The following SCAPER variants were observed in gnomAD, a reference collection of about 807,000 sequenced individuals.
The protein encoded by SCAPER is S-phase cyclin A associated protein in the ER, also known as S phase cyclin A-associated protein in the endoplasmic reticulum.
In SCAPER, 98 loss-of-function variants were observed where a neutral mutation model predicts 182.2. The ratio of observed to expected loss-of-function variants is 0.54; its 90% CI spans 0.46 to 0.64. SCAPER has a LOEUF of 0.64. Among genes scored for constraint, SCAPER ranks in the 30% least tolerant of loss-of-function variants. The probability of loss-of-function intolerance (pLI) is 0.00; values close to 1 mark genes in which losing one functional copy is unlikely to be tolerated. For missense variants in SCAPER, 1,432 were observed against 1,690.0 expected (o/e 0.85, Z 2.68); for synonymous variants, 605 against 564.6 (o/e 1.07, Z -1.01).
At chr15:76,489,517 A>G (rs2052063801) in intron 24 of SCAPER, among the ~76,000 whole-genome samples, 1 of 151,878 alleles carries the variant, frequency 6.6e-6, no homozygotes, top group Admixed American at 6.6e-5. Context: ...TATACATGGA[A>G]TTGTGCCACA....
intron 17 of SCAPER, among the ~76,000 whole-genome samples, chr15:76,709,688 A>G (rs2059458226): frequency 6.6e-6 from 1 of 152,370 alleles, no homozygotes; most frequent in South Asian, 2.1e-4. Context: ...ATAGAGCAGG[A>G]AACATTCTGT....
intron 4 of SCAPER, among the ~76,000 whole-genome samples, chr15:76,850,697 C>A (rs1408279135): frequency 6.6e-6 from 1 of 151,536 alleles, no homozygotes; most frequent in Non-Finnish European, 1.5e-5. Context: ...ACCATCTCTA[C>A]AAAAATACAA....
chr15:76,347,976 C>A lies in SCAPER; in HGVS notation c.*657G>T, dbSNP rs1312555281. On this transcript the variant is annotated 3_prime_UTR_variant, in exon 32 of 32. Transcript: ENST00000563290. ...TGTGAGAAAATACTCTAGGGTGATT[C>A]ACTAGGACACATCTTTTTTATCACT... 1 of 152,200 alleles carries A rather than the reference C, an allele frequency of 6.6e-6. No homozygotes were observed. Among genetic ancestry groups the A allele is most frequent in the Non-Finnish European group, 1.5e-5 (1 of 68,044 alleles). 9.4% of individuals were successfully genotyped at this position (152,200 alleles called of 1,614,324 possible).
At chr15:76,371,847 G>A (rs1327870920) in intron 29 of SCAPER, among the ~76,000 whole-genome samples, 2 of 151,880 alleles carry the variant, frequency 1.3e-5, no homozygotes, top group East Asian at 3.9e-4. Context: ...GAACCCAGGA[G>A]GCGGAGGTTG....
At chr15:76,652,274 AT>A (rs1256718560) in intron 21 of SCAPER, among the ~76,000 whole-genome samples, 1,975 of 10,500 alleles carry the variant, frequency 0.19, 430 homozygotes, top group South Asian at 0.29. Flanking sequence ...AAAAAAAAAA[AT>A]ATATATATAT....
chr15:76,509,383 G>T (rs2041848214), intron 23 of SCAPER, among the ~76,000 whole-genome samples: 1 of 152,084 alleles, frequency 6.6e-6, no homozygotes, highest in South Asian at 2.1e-4. Context: ...GTCTAGTTAG[G>T]TTCTCATGGT....
At chr15:76,597,389 T>C (rs1480827180) in intron 22 of SCAPER, among the ~76,000 whole-genome samples, 2 of 121,914 alleles carry the variant, frequency 1.6e-5, no homozygotes, top group African/African-American at 5.0e-5. Flanking sequence ...AAAAGTAATT[T>C]ACAGATTCAG....
At chr15:76,486,783 C>A (rs1006559587) in intron 24 of SCAPER, among the ~76,000 whole-genome samples, 2 of 152,088 alleles carry the variant, frequency 1.3e-5, no homozygotes, top group African/African-American at 2.4e-5. Flanking sequence ...GATAGTGTGG[C>A]GATTCCTCAA....
At chr15:76,792,984 T>C (rs1434108883) in intron 8 of SCAPER, among the ~76,000 whole-genome samples, 1 of 152,238 alleles carries the variant, frequency 6.6e-6, no homozygotes, top group African/African-American at 2.4e-5. Context: ...CTCCGTATGT[T>C]TGTCAGTTAC....
chr15:76,781,352 A>T (rs2064123649), intron 8 of SCAPER, among the ~76,000 whole-genome samples: 1 of 152,244 alleles, frequency 6.6e-6, no homozygotes, highest in African/African-American at 2.4e-5. Context: ...AAGAGTAAAA[A>T]GAAACGAACA....
At chr15:76,730,597 CT>C (rs2060863835) in intron 16 of SCAPER, among the ~76,000 whole-genome samples, 1 of 151,650 alleles carries the variant, frequency 6.6e-6, no homozygotes, top group Admixed American at 6.6e-5. Flanking sequence ...AAAAAAATTC[CT>C]CTTATAGTCC....
intron 21 of SCAPER, among the ~76,000 whole-genome samples, chr15:76,658,814 T>C (rs1229671232): frequency 6.6e-6 from 1 of 152,094 alleles, no homozygotes; most frequent in Middle Eastern, 3.2e-3. Flanking sequence ...GAACAAGCAG[T>C]GGGGAAAGGA....
At chr15:76,845,847 A>G (rs927770383) in intron 4 of SCAPER, among the ~76,000 whole-genome samples, 1 of 152,108 alleles carries the variant, frequency 6.6e-6, no homozygotes, top group African/African-American at 2.4e-5. Flanking sequence ...AAAAAATCCT[A>G]AAATATATAC....
chr15:76,407,634 C>T (rs2044959240), intron 26 of SCAPER, among the ~76,000 whole-genome samples: 1 of 152,070 alleles, frequency 6.6e-6, no homozygotes, highest in Admixed American at 6.6e-5. Flanking sequence ...AAAAGTTAGC[C>T]ATAATTTCAC....
At chr15:76,559,948 G>T (rs1197154780) in intron 23 of SCAPER, among the ~76,000 whole-genome samples, 2 of 152,082 alleles carry the variant, frequency 1.3e-5, no homozygotes, top group African/African-American at 4.8e-5. Flanking sequence ...GTGTGTGTAT[G>T]GGTATGCATA....
chr15:76,622,072 A>T (rs930559423), intron 21 of SCAPER, among the ~76,000 whole-genome samples: 3 of 152,194 alleles, frequency 2.0e-5, no homozygotes, highest in Non-Finnish European at 4.4e-5. Context: ...AAATAACGTG[A>T]CCAGACTCTC....
At chr15:76,868,328 G>A (rs916480200) in intron 2 of SCAPER, among the ~76,000 whole-genome samples, 1 of 152,082 alleles carries the variant, frequency 6.6e-6, no homozygotes, top group African/African-American at 2.4e-5. Flanking sequence ...GGGAGCTCAA[G>A]GCTGCAGTGA....
Position 76,354,247 on chromosome 15 carries a change from A to G in SCAPER, c.3856-107T>C. ...CATGGAAAACATGCTGAAGGAGTGT[A>G]AAGAAAAAGACTCCTGACTCCGTAC... is the stretch of plus-strand genomic sequence containing the variant. On this transcript the variant is annotated intron_variant, in intron 29 of 31. Transcript: ENST00000563290. The surrounding 1 kb of genome is among the most constrained non-coding windows in gnomAD (Gnocchi z 4.4). The G allele has an allele frequency of 1.0e-6, 1 of 984,098 alleles. No individual in the cohort carries two copies. 61.0% of individuals were successfully genotyped at this position (984,098 alleles called of 1,614,324 possible).
At chr15:76,480,591 G>A (rs998374248) in intron 24 of SCAPER, among the ~76,000 whole-genome samples, 1 of 152,184 alleles carries the variant, frequency 6.6e-6, no homozygotes, top group African/African-American at 2.4e-5. Context: ...ATTCTGTCGG[G>A]ACCCCTCATA....
Sources: gnomAD v4.1 joint callset for allele counts (sites outside exome capture counted in the v4.1 genomes callset) on GRCh38, gnomAD v4.1.1 for gene constraint, Gnocchi (gnomAD v3.1) non-coding constraint, MANE v1.5 for transcripts, NCBI Gene and HGNC (gene_info 2026-07-23, HGNC 2026-07-21) for gene names.